CLCNKA: variants seen among roughly 807,000 people sequenced by gnomAD.
CLCNKA encodes chloride voltage-gated channel Ka, also known as chloride channel protein ClC-Ka.
CLCNKA carries 66 observed loss-of-function variants against 83.3 expected under a neutral mutation model. The ratio of observed to expected loss-of-function variants is 0.79; its 90% CI spans 0.65 to 0.97. The LOEUF (loss-of-function observed/expected upper bound fraction) is 0.97. CLCNKA is among the 50% of genes least tolerant of loss of function. The pLI is 0.00. For synonymous variants in CLCNKA, 357 were observed against 370.4 expected, an observed-to-expected ratio of 0.96 and a Z score of 0.42; for missense variants, 806 against 888.7, an observed-to-expected ratio of 0.91 and a Z score of 1.18.
At position 16,028,829 on chromosome 1, in the gene CLCNKA, A is replaced by G. The variant is rs576409174; in HGVS notation, c.1037A>G (p.His346Arg). 1.0e-4 allele frequency: 168 copies of G among 1,613,962 alleles called. No homozygotes were observed. The African/African-American group carries it at 2.1e-3, about 21-fold the overall frequency. The change falls in exon 11 of 20, where the codon CAC becomes CGC. Residue 346 changes from histidine to arginine, a missense_variant. His to Arg is a conservative substitution (Grantham distance 29). Transcript: ENST00000331433. ...ATCACCTACCCGCCTGGTGTGGGCC[A>G]CTTCCTAGCTTCTCGGGTAAGGGGT... ...ASITYPPGVG[H>R]FLASRLSMKQ...
chr1:16,027,517 C>T (rs2022417596), intron 8 of CLCNKA, 82 bp downstream of exon 8: 6 of 1,577,864 alleles, frequency 3.8e-6, no homozygotes, highest in East Asian at 4.5e-5. Context: ...GTGTACATCT[C>T]TTGCTCTTCC....
At chr1:16,030,309 C>A (rs1410681743) in intron 14 of CLCNKA, 152 bp from the exon 15 acceptor site, 15 of 1,024,786 alleles carry the variant, frequency 1.5e-5, no homozygotes, top group Non-Finnish European at 2.0e-5. Context: ...CTCACCAAGC[C>A]CAGGCCTTGG....
intron 14 of CLCNKA, among the ~76,000 whole-genome samples, 168 bp from the exon 15 acceptor site, chr1:16,030,293 T>C (rs1416032562): frequency 6.6e-6 from 1 of 152,052 alleles, no homozygotes; most frequent in Non-Finnish European, 1.5e-5. Context: ...CCCTTATCCC[T>C]CTCCTCTCAC....
At chr1:16,029,042 G>A in intron 11 of CLCNKA, 84 bp from the exon 12 acceptor site, 1 of 1,559,678 alleles carries the variant, frequency 6.4e-7, no homozygotes, top group South Asian at 1.1e-5. Context: ...GAGGATTCCA[G>A]GCGGGGTCAG....
chr1:16,030,451 G>T lies in CLCNKA; in HGVS notation c.1409-10G>T. 6.2e-7 allele frequency: 1 copy of T among 1,612,300 alleles called. No individual in the cohort carries two copies. The highest frequency in any genetic ancestry group is 8.5e-7 in the Non-Finnish European group (1 of 1,179,852). On this transcript the variant is annotated splice_polypyrimidine_tract_variant and intron_variant, in intron 14 of 19. Coordinates refer to ENST00000331433, the MANE Select transcript of CLCNKA (RefSeq NM_004070.4). The stretch of plus-strand genomic sequence containing the variant: ...GGCCTGAGCCGACCTGTGTGGCTCT[G>T]CCCCGGCAGGGGCTGCAGCCTTCTC...
intron 13 of CLCNKA, 60 bp downstream of exon 13, chr1:16,029,860 C>T: frequency 6.2e-7 from 1 of 1,608,424 alleles, no homozygotes; most frequent in Non-Finnish European, 8.5e-7. Flanking sequence ...GGCCATGCAT[C>T]CTGGTTCACC....
Position 16,030,696 on chromosome 1 carries a change from C to T in CLCNKA, c.1622+22C>T, listed in dbSNP as rs190694829. 1.9e-3 allele frequency: 3,090 copies of T among 1,612,994 alleles called. 10 individuals carry two copies. The highest frequency in any genetic ancestry group is 8.7e-3 in the African/African-American group (653 of 75,060). The stretch of plus-strand genomic sequence containing the variant: ...TCGGGTGAGTGGTGCCCACCTCAGG[C>T]TGACTGAAGGGGGTCACAGTGTTTG... On this transcript the variant is annotated intron_variant, in intron 15 of 19. Transcript: ENST00000331433.
rs920912491 is a variant in CLCNKA at position 16,025,746 on chromosome 1, T to C, written c.359-362T>C. On this transcript the variant is annotated intron_variant, in intron 4 of 19. Transcript: ENST00000331433. Reference sequence around the variant, plus strand: ...GTGCGGGTAGAGTTATGAGAGTTTTTTTTGTTTGTTTGTTCGTTTGTTTTT... The same window carrying C: ...GTGCGGGTAGAGTTATGAGAGTTTTCTTTGTTTGTTTGTTCGTTTGTTTTT... 3.9e-5 allele frequency among the ~76,000 whole-genome samples: 6 copies of C among 152,296 alleles called. No individual in the cohort carries two copies. The South Asian group carries it at 8.3e-4, about 21-fold the overall frequency.
chr1:16,033,661 C>G lies in CLCNKA; in HGVS notation c.*3C>G. ...CAAATCCGCCAGCTCCAAAGTGAGCCGGCCCAGCAAGATGAAACAGGGCAC... is the reference window on the plus strand; with the variant it reads ...CAAATCCGCCAGCTCCAAAGTGAGCGGGCCCAGCAAGATGAAACAGGGCAC... On this transcript the variant is annotated 3_prime_UTR_variant, in exon 20 of 20. Transcript: ENST00000331433. 6.2e-7 allele frequency: 1 copy of G among 1,607,716 alleles called. No homozygotes were observed. Among genetic ancestry groups the G allele is most frequent in the Non-Finnish European group, 8.5e-7 (1 of 1,177,778 alleles).
At position 16,024,772 on chromosome 1, in the gene CLCNKA, G is replaced by A; in HGVS notation, c.239G>A (p.Trp80Ter). Residue 80 changes from tryptophan (W) to a stop codon, truncating the protein, a stop_gained, in exon 4 of 20, where the codon TGG becomes TAG. Coordinates refer to ENST00000331433, the MANE Select transcript of CLCNKA (RefSeq NM_004070.4). LOFTEE classifies it high-confidence loss of function. Reference sequence around the variant, plus strand: ...ACGCGGCTGTCCCCAGCACACCAGTGGCTGTACAGGGAGATTGGGGACAGC... The same window carrying A: ...ACGCGGCTGTCCCCAGCACACCAGTAGCTGTACAGGGAGATTGGGGACAGC... The part of the protein sequence containing the change: ...AIGCVVRAHQ[W>*]LYREIGDSHL... The A allele has an allele frequency of 6.2e-7, 1 of 1,614,074 alleles. No individual in the cohort carries two copies. The highest frequency in any genetic ancestry group is 8.5e-7 in the Non-Finnish European group (1 of 1,180,010).
chr1:16,033,105 A>G, intron 18 of CLCNKA, 65 bp from the exon 19 acceptor site: 1 of 1,521,688 alleles, frequency 6.6e-7, no homozygotes, highest in South Asian at 1.1e-5. Flanking sequence ...GGCGTGGCAG[A>G]GTGGGCCAGA....
At chr1:16,033,290 G>A (rs780668936) in intron 19 of CLCNKA, 34 bp downstream of exon 19, 7 of 1,608,958 alleles carry the variant, frequency 4.4e-6, no homozygotes, top group Admixed American at 1.7e-5. Flanking sequence ...CAAAGCAGGG[G>A]ACCCATGCCT....
rs1300716687 is a variant in CLCNKA, at chr1:16,024,651, G to A, written c.230-112G>A. 9.0e-6 allele frequency: 13 copies of A among 1,447,246 alleles called. No individual in the cohort carries two copies. The African/African-American group carries it at 1.8e-4, about 20-fold the overall frequency. The allele number at this position is 1,447,246 out of a possible 1,614,324, so 89.7% of individuals were successfully genotyped here. A position where few individuals can be genotyped will look rare whatever the true frequency, so the allele number is the denominator to read the frequency against. ...GGGTCTGCACCTCACTCTGTGGCCT[G>A]GTCCTCCCCTCTTCGTGACTCCATT... On this transcript the variant is annotated intron_variant, in intron 3 of 19. Coordinates refer to ENST00000331433, the MANE Select transcript of CLCNKA (RefSeq NM_004070.4).
rs372457533 is a variant in CLCNKA at position 16,028,862 on chromosome 1, G to A, written c.1053+17G>A. On this transcript the variant is annotated intron_variant, in intron 11 of 19. Transcript: ENST00000331433. ...GCTTCTCGGGTAAGGGGTCCTGAGCGGGGGTGGCAGGAGTGGGAACCCCCA... is the reference window on the plus strand; with the variant it reads ...GCTTCTCGGGTAAGGGGTCCTGAGCAGGGGTGGCAGGAGTGGGAACCCCCA... The A allele has an allele frequency of 3.5e-5, 56 of 1,613,130 alleles. No homozygotes were observed. In the South Asian group the frequency reaches 4.4e-4, roughly 13 times the overall value.
rs749072892 is a variant in CLCNKA at position 16,033,128 on chromosome 1, C to T, written c.1930-42C>T. 27 of 1,598,340 alleles carry T rather than the reference C, an allele frequency of 1.7e-5. No individual in the cohort carries two copies. In the Middle Eastern group the frequency reaches 6.6e-4, roughly 39 times the overall value. On this transcript the variant is annotated intron_variant, in intron 18 of 19. Transcript: ENST00000331433. ...AGAGTGGGCCAGAGGGTGGGCTGGG[C>T]GCCATCTACCCTCCAGTGTTTCCTA... is the stretch of plus-strand genomic sequence containing the variant.
intron 7 of CLCNKA, among the ~76,000 whole-genome samples, chr1:16,027,096 G>A (rs2124034669): frequency 6.6e-6 from 1 of 152,336 alleles, no homozygotes; most frequent in Admixed American, 6.5e-5. Flanking sequence ...GATAGGGAGA[G>A]GGCGCACACC....
chr1:16,030,577 A>C lies in CLCNKA; in HGVS notation c.1525A>C (p.Asn509His), dbSNP rs751917589. ...LPVLMAVLAA[N>H]AIAQSCQPSF... The stretch of plus-strand genomic sequence containing the variant: ...CGTGCTGATGGCGGTGCTGGCAGCC[A>C]ACGCCATTGCACAGAGCTGCCAGCC... Residue 509 changes from asparagine to histidine, a missense_variant, in exon 15 of 20, where the codon AAC (asparagine) becomes CAC (histidine). Transcript: ENST00000331433. The C allele has an allele frequency of 6.2e-7, 1 of 1,612,950 alleles. No homozygotes were observed. The highest frequency in any genetic ancestry group is 1.3e-5 in the African/African-American group (1 of 74,952).
At position 16,033,717 on chromosome 1, in the gene CLCNKA, A is replaced by G. The variant is rs552269741; in HGVS notation, c.*59A>G. Reference sequence around the variant, plus strand: ...CTGACCTGGTACTGAGGTTGGGCTGAGACCCTGCTTCTCTTCCCCCATCAC... The same window carrying G: ...CTGACCTGGTACTGAGGTTGGGCTGGGACCCTGCTTCTCTTCCCCCATCAC... On this transcript the variant is annotated 3_prime_UTR_variant, in exon 20 of 20. Transcript: ENST00000331433. 265 of 1,557,754 alleles carry G rather than the reference A, an allele frequency of 1.7e-4. 1 individual carries two copies. Among genetic ancestry groups the G allele is most frequent in the Admixed American group, 5.5e-4 (33 of 59,528 alleles).
chr1:16,030,133 A>G, intron 14 of CLCNKA, 58 bp downstream of exon 14: 2 of 1,319,212 alleles, frequency 1.5e-6, no homozygotes, highest in Non-Finnish European at 2.2e-6. Context: ...CTGGACCTGG[A>G]GAATTGGCTG....
Sources: allele counts gnomAD v4.1 joint callset (sites outside exome capture counted in the v4.1 genomes callset), GRCh38; gene constraint gnomAD v4.1.1; transcripts MANE v1.5; gene names NCBI Gene and HGNC (gene_info 2026-07-23, HGNC 2026-07-21).